MRTFB: variants seen among roughly 807,000 people sequenced by gnomAD.
MRTFB encodes the protein myocardin related transcription factor B.
A neutral mutation model predicts 104.2 loss-of-function variants in MRTFB; 29 were observed. That is an observed-to-expected ratio of 0.28 (90% CI 0.21 to 0.38). MRTFB has a LOEUF of 0.38. Ranked by LOEUF, MRTFB falls within the 10% of genes least tolerant of loss-of-function variation. The pLI is 1.00. For missense variants in MRTFB, 1,270 were observed against 1,341.6 expected, an observed-to-expected ratio of 0.95 and a Z score of 0.83; for synonymous variants, 535 against 519.5, an observed-to-expected ratio of 1.03 and a Z score of -0.41.
chr16:14,161,636 C>G (rs1008552792), intron 3 of MRTFB, among the ~76,000 whole-genome samples: 6 of 152,088 alleles, frequency 3.9e-5, no homozygotes, highest in Admixed American at 1.3e-4. Context: ...AAAGACATCA[C>G]TGAGAGAAAA....
chr16:14,261,592 C>T lies in MRTFB; in HGVS notation c.*148C>T. The T allele has an allele frequency of 2.5e-6, 2 of 787,224 alleles. No individual in the cohort carries two copies. Among genetic ancestry groups the T allele is most frequent in the Non-Finnish European group, 1.9e-6 (1 of 516,362 alleles). The allele number at this position is 787,224 out of a possible 1,614,324, so 48.8% of individuals were successfully genotyped here. On this transcript the variant is annotated 3_prime_UTR_variant, in exon 17 of 17. Coordinates refer to ENST00000571589, the MANE Select transcript of MRTFB (RefSeq NM_001308142.2). ...ATAGGTGGAAGGTCATAGCCTGGAA[C>T]CCAAGTTTGAAAACATTTCATTGTG...
At chr16:14,139,606 C>CTTGGTATTTACCATTTGGATAT (rs2037893170) in intron 2 of MRTFB, among the ~76,000 whole-genome samples, 2 of 152,158 alleles carry the variant, frequency 1.3e-5, no homozygotes, top group South Asian at 2.1e-4. Flanking sequence ...TAAATACAAT[C>CTTGGTATTTACCATTTGGATAT]TTGGTATTTA....
At chr16:14,157,150 A>G (rs1041459253) in intron 3 of MRTFB, among the ~76,000 whole-genome samples, 3 of 152,232 alleles carry the variant, frequency 2.0e-5, no homozygotes, top group Non-Finnish European at 4.4e-5. Context: ...CAAATGTCAT[A>G]TAATAGGGAA....
At chr16:14,171,478 G>A (rs567275977) in intron 3 of MRTFB, among the ~76,000 whole-genome samples, 2 of 149,706 alleles carry the variant, frequency 1.3e-5, no homozygotes, top group South Asian at 4.2e-4. Context: ...CAGCCTGGGC[G>A]ACAGAGTGAG....
chr16:14,012,287 TTTTC>T, the MRTFB span, among the ~76,000 whole-genome samples: 3 of 137,258 alleles, frequency 2.2e-5, no homozygotes, highest in African/African-American at 3.3e-5. Flanking sequence ...GACATTTTCT[TTTTC>T]TTTCTTTCTT....
chr16:14,192,657 A>C (rs1021802947), intron 3 of MRTFB, among the ~76,000 whole-genome samples: 1 of 152,206 alleles, frequency 6.6e-6, no homozygotes, highest in Non-Finnish European at 1.5e-5. Flanking sequence ...GTTAAAACAC[A>C]CCCACATACA....
chr16:14,143,920 CAGTT>C (rs898877869), intron 3 of MRTFB: 1 of 152,198 alleles, frequency 6.6e-6, no homozygotes, highest in African/African-American at 2.4e-5. Flanking sequence ...CTTACCTGCA[CAGTT>C]ACTTTCCCAG....
intron 1 of MRTFB, among the ~76,000 whole-genome samples, chr16:14,078,878 T>G (rs577684879): frequency 3.2e-4 from 48 of 152,254 alleles, no homozygotes; most frequent in Admixed American, 2.8e-3. Flanking sequence ...TGTGGATTAT[T>G]TCATATAATC....
intron 1 of MRTFB, among the ~76,000 whole-genome samples, chr16:14,078,883 A>G (rs2034229658): frequency 6.6e-6 from 1 of 152,188 alleles, no homozygotes; most frequent in Non-Finnish European, 1.5e-5. Context: ...ATTATTTCAT[A>G]TAATCCTCAG....
At chr16:14,127,899 G>GAA (rs2037201575) in intron 2 of MRTFB, among the ~76,000 whole-genome samples, 2 of 57,276 alleles carry the variant, frequency 3.5e-5, no homozygotes, top group Admixed American at 2.0e-4. Context: ...TAGCAAAACT[G>GAA]AATATATATA....
chr16:14,243,453 C>G (rs879700307), intron 10 of MRTFB, among the ~76,000 whole-genome samples: 3 of 152,210 alleles, frequency 2.0e-5, no homozygotes, highest in Non-Finnish European at 4.4e-5. Flanking sequence ...GGCTTCAGCA[C>G]CAAGGCTTTG....
At chr16:14,099,146 G>A (rs1328414572) in intron 2 of MRTFB, among the ~76,000 whole-genome samples, 1 of 152,146 alleles carries the variant, frequency 6.6e-6, no homozygotes, top group African/African-American at 2.4e-5. Flanking sequence ...GATATTGATA[G>A]TCAGTTTGGA....
the MRTFB span, among the ~76,000 whole-genome samples, chr16:14,035,485 G>A: frequency 1.3e-5 from 2 of 152,158 alleles, no homozygotes; most frequent in Non-Finnish European, 2.9e-5. Context: ...GAGTAGAGTG[G>A]CAGTCATAAA....
chr16:14,066,982 T>C (rs1290844685), upstream of MRTFB, among the ~76,000 whole-genome samples: 2 of 151,544 alleles, frequency 1.3e-5, no homozygotes, highest in South Asian at 4.2e-4. Context: ...GAATTACCCA[T>C]TTTGTTTGTT....
At chr16:14,188,220 T>G (rs534689134) in intron 3 of MRTFB, among the ~76,000 whole-genome samples, 1 of 152,306 alleles carries the variant, frequency 6.6e-6, no homozygotes, top group African/African-American at 2.4e-5. Flanking sequence ...TTTATAAAAA[T>G]CGATACCAGT....
At chr16:14,020,559 C>T in the MRTFB span, 137,755 of 152,138 alleles carry the variant, frequency 0.91, 62,597 homozygotes, top group Non-Finnish European at 0.94. Context: ...CAGGTGGTCA[C>T]GGAAGGCCTT....
intron 3 of MRTFB, chr16:14,195,748 T>TGCTACAAGCTAA: frequency 1.1e-5 from 2 of 180,322 alleles, no homozygotes; most frequent in Non-Finnish European, 2.1e-5. Context: ...CTTTAGCTTG[T>TGCTACAAGCTAA]AGCACTAGCT....
At chr16:14,106,596 G>A (rs1315021883) in intron 2 of MRTFB, among the ~76,000 whole-genome samples, 2 of 152,172 alleles carry the variant, frequency 1.3e-5, no homozygotes, top group South Asian at 2.1e-4. Context: ...TCTGTAAAGG[G>A]TAGAGCTCAA....
At chr16:14,223,855 T>A (rs1019401566) in intron 8 of MRTFB, among the ~76,000 whole-genome samples, 2 of 152,166 alleles carry the variant, frequency 1.3e-5, no homozygotes, top group Admixed American at 1.3e-4. Flanking sequence ...GATATACAAA[T>A]ACAGTCATGC....
Sources: allele counts gnomAD v4.1 joint callset (sites outside exome capture counted in the v4.1 genomes callset), GRCh38; gene constraint gnomAD v4.1.1; transcripts MANE v1.5; gene names NCBI Gene and HGNC (gene_info 2026-07-23, HGNC 2026-07-21).